The following CHRD variants were observed in gnomAD, a reference collection of about 807,000 sequenced individuals.
CHRD encodes chordin.
Under a neutral mutation model 113.7 loss-of-function variants are expected in CHRD, and 69 were observed. That is an observed-to-expected ratio of 0.61 (90% CI 0.50 to 0.74). The LOEUF (loss-of-function observed/expected upper bound fraction) is 0.74, where lower values mean the gene tolerates loss of function less well. Ranked by LOEUF, CHRD falls within the 30% of genes least tolerant of loss-of-function variation. The probability of loss-of-function intolerance (pLI) is 0.00; values close to 1 mark genes in which losing one functional copy is unlikely to be tolerated. For missense variants in CHRD, 1,194 were observed against 1,295.8 expected, an observed-to-expected ratio of 0.92 and a Z score of 1.21; for synonymous variants, 561 against 540.8, an observed-to-expected ratio of 1.04 and a Z score of -0.52.
rs542164182 is a variant in CHRD, at chr3:184,383,181, C to G, written c.1213+18C>G. 4 of 1,585,500 alleles carry G rather than the reference C, an allele frequency of 2.5e-6. No individual in the cohort carries two copies. The South Asian group carries it at 3.4e-5, about 14-fold the overall frequency. On this transcript the variant is annotated intron_variant, in intron 10 of 22. Coordinates refer to ENST00000204604, the Ensembl canonical transcript of CHRD. ...CTGCGACGGTGAGGCGGGGGGGGGG[C>G]CTGGTGCGCCGGGCATGCACAACTG... is the stretch of plus-strand genomic sequence containing the variant.
rs1715365319 is a variant in CHRD, at chr3:184,381,370, T to A, written c.382+6T>A. ...CTGCCAGACCTGCCCCCAGGGTAAGTCTTGCTCCGCCCTGCGGGGAGGGAG... is the reference window on the plus strand; with the variant it reads ...CTGCCAGACCTGCCCCCAGGGTAAGACTTGCTCCGCCCTGCGGGGAGGGAG... On this transcript the variant is annotated splice_donor_region_variant and intron_variant, in intron 3 of 22. Coordinates refer to ENST00000204604, the Ensembl canonical transcript of CHRD. This position sits in a 1 kb window ranked among gnomAD's most constrained non-coding sequence, Gnocchi z 4.7. 12 of 1,589,454 alleles carry A rather than the reference T, an allele frequency of 7.5e-6. No individual in the cohort carries two copies. The highest frequency in any genetic ancestry group is 1.0e-5 in the Non-Finnish European group (12 of 1,168,134).
At chr3:184,386,370 G>T in intron 15 of CHRD, 122 bp from the exon 16 acceptor site, 1 of 1,384,116 alleles carries the variant, frequency 7.2e-7, no homozygotes, top group African/African-American at 1.5e-5. Context: ...GGAGCGAATG[G>T]CATCCTCCTG....
rs1715931794 is a variant in CHRD, at chr3:184,384,210, G to A, written c.1441-327G>A. On this transcript the variant is annotated intron_variant, in intron 12 of 22. Transcript: ENST00000204604. The surrounding 1 kb of genome is among the most constrained non-coding windows in gnomAD (Gnocchi z 4.4). ...GAACAGTGCCACAGGCCACATATTAGTAAATGTAATGGCAATGGTTGCTAC... is the reference window on the plus strand; with the variant it reads ...GAACAGTGCCACAGGCCACATATTAATAAATGTAATGGCAATGGTTGCTAC... 6.6e-6 allele frequency among the ~76,000 whole-genome samples: 1 copy of A among 152,224 alleles called. No homozygotes were observed. The highest frequency in any genetic ancestry group is 1.5e-5 in the Non-Finnish European group (1 of 68,038).
In CHRD at chr3:184,386,631, C is replaced by G. The variant is rs780291031; in HGVS notation, c.2072C>G (p.Ala691Gly). ...CCTGGTCTCCCGGCCCTAGCGCCCG[C>G]CAAACCTGGTGGTCCTGGGCGGCCC... The change falls in exon 16 of 23, where the codon GCC (alanine) becomes GGC (glycine). Residue 691 changes from alanine to glycine, a missense_variant. Transcript: ENST00000204604. 4.5e-5 allele frequency: 73 copies of G among 1,609,414 alleles called. No individual in the cohort carries two copies. The highest frequency in any genetic ancestry group is 1.7e-4 in the Middle Eastern group (1 of 6,034).
At position 184,380,555 on chromosome 3, in the gene CHRD, C is replaced by T; in HGVS notation, c.148+89C>T. On this transcript the variant is annotated intron_variant, in intron 1 of 22. Transcript: ENST00000204604. This position sits in a 1 kb window ranked among gnomAD's most constrained non-coding sequence, Gnocchi z 6.3. ...CGGAGGGGGCGCGGGGCGCAGGTGG[C>T]TCGGCGCGGCGGGCGGCCCGGAGGG... 1 of 1,033,130 alleles carries T rather than the reference C, an allele frequency of 9.7e-7. No homozygotes were observed. Among genetic ancestry groups the T allele is most frequent in the Non-Finnish European group, 1.2e-6 (1 of 833,474 alleles). The allele number at this position is 1,033,130 out of a possible 1,614,324, so 64.0% of individuals were successfully genotyped here.
At chr3:184,383,410 A>T (rs1715783138) in exon 11 of CHRD, 2 of 1,613,524 alleles carry the variant, frequency 1.2e-6, no homozygotes, top group East Asian at 4.5e-5. Context: ...TGGCTCCCTG[A>T]TCTATCAGGT....
At chr3:184,386,417 G>T (rs1716287013) in intron 15 of CHRD, 75 bp from the exon 16 acceptor site, 2 of 1,515,920 alleles carry the variant, frequency 1.3e-6, no homozygotes, top group South Asian at 2.5e-5. Context: ...GGTGTCTCCT[G>T]CTGGCTGGCC....
In CHRD at chr3:184,384,770, G is replaced by C. The variant is rs1255430464; in HGVS notation, c.1597+77G>C. Reference sequence around the variant, plus strand: ...GGATGGTGGCAGACAGCCGGAGCCTGGTGTGTCTTTCTTTGTGCCTAAGCT... The same window carrying C: ...GGATGGTGGCAGACAGCCGGAGCCTCGTGTGTCTTTCTTTGTGCCTAAGCT... On this transcript the variant is annotated intron_variant, in intron 13 of 22. Coordinates refer to ENST00000204604, the Ensembl canonical transcript of CHRD. This position sits in a 1 kb window ranked among gnomAD's most constrained non-coding sequence, Gnocchi z 4.4. 2.0e-5 allele frequency: 30 copies of C among 1,482,742 alleles called. No homozygotes were observed. The highest frequency in any genetic ancestry group is 1.1e-4 in the South Asian group (8 of 72,870). 91.8% of individuals were successfully genotyped at this position (1,482,742 alleles called of 1,614,324 possible).
At chr3:184,383,120 G>A (rs776459719) in exon 10 of CHRD, 2 of 1,610,936 alleles carry the variant, frequency 1.2e-6, no homozygotes, top group African/African-American at 1.3e-5. Flanking sequence ...GCAGGCCAGG[G>A]CTGCGCATCA....
In CHRD at chr3:184,388,883, C is replaced by T. The variant is rs1313002641; in HGVS notation, c.2710-10C>T. 1 of 1,611,664 alleles carries T rather than the reference C, an allele frequency of 6.2e-7. No homozygotes were observed. The highest frequency in any genetic ancestry group is 1.7e-5 in the Admixed American group (1 of 60,012). On this transcript the variant is annotated splice_polypyrimidine_tract_variant and intron_variant, in intron 21 of 22. Transcript: ENST00000204604. The surrounding 1 kb of genome is among the most constrained non-coding windows in gnomAD (Gnocchi z 6.1). ...GGGGGACACTCAGTGTCTGCTCTGT[C>T]TTGTACCAGGCAGGGGTGCCTCACT...
Position 184,380,498 on chromosome 3 carries a change from G to C in CHRD, c.148+32G>C. 1 of 1,156,542 alleles carries C rather than the reference G, an allele frequency of 8.6e-7. No individual in the cohort carries two copies. The highest frequency in any genetic ancestry group is 3.7e-4 in the Middle Eastern group (1 of 2,730). The allele number at this position is 1,156,542 out of a possible 1,614,324, so 71.6% of individuals were successfully genotyped here. ...GGGCGCCCGGGGGAGGCGCGGGCGG[G>C]GAGTCGGGCTCGGGGCGAGTCAGCG... On this transcript the variant is annotated intron_variant, in intron 1 of 22. Transcript: ENST00000204604. This position sits in a 1 kb window ranked among gnomAD's most constrained non-coding sequence, Gnocchi z 6.3.
chr3:184,386,257 TG>T, intron 15 of CHRD, 98 bp downstream of exon 15: 1 of 1,383,720 alleles, frequency 7.2e-7, no homozygotes, highest in African/African-American at 1.4e-5. Context: ...CTCTGAGTCC[TG>T]GGGGTGGTCG....
intron 14 of CHRD, among the ~76,000 whole-genome samples, 194 bp downstream of exon 14, chr3:184,385,432 C>T (rs991451496): frequency 1.4e-4 from 21 of 151,972 alleles, no homozygotes; most frequent in African/African-American, 4.6e-4. Context: ...CTTTGGGAGG[C>T]CAGGTGGGTG....
chr3:184,389,140 A>C, intron 22 of CHRD, 145 bp downstream of exon 22: 1 of 675,048 alleles, frequency 1.5e-6, no homozygotes, highest in Non-Finnish European at 2.6e-6. Flanking sequence ...CCTCACAGCA[A>C]CCTGGTGGAA....
In CHRD at chr3:184,387,990, G is replaced by A. The variant is rs2108661352; in HGVS notation, c.2511G>A (p.Gln837=). Residue 837 remains glutamine, a synonymous_variant, in exon 20 of 23, where the codon CAG becomes CAA. Transcript: ENST00000204604. This position sits in a 1 kb window ranked among gnomAD's most constrained non-coding sequence, Gnocchi z 6.1. ...AGTGTCCCCGGCTGGCCTGTGCCCA[G>A]CCTGTGCGTGTCAACCCCACCGACT... The A allele has an allele frequency of 6.2e-7, 1 of 1,613,832 alleles. No homozygotes were observed. The highest frequency in any genetic ancestry group is 8.5e-7 in the Non-Finnish European group (1 of 1,179,952).
chr3:184,383,583 C>A (rs746833026), exon 12 of CHRD: 2 of 1,614,004 alleles, frequency 1.2e-6, no homozygotes, highest in Non-Finnish European at 1.7e-6. Flanking sequence ...CAAGCCTCAG[C>A]GGAGGGATCA....
In CHRD at chr3:184,387,002, G is replaced by A. The variant is rs201763149; in HGVS notation, c.2291-49G>A. On this transcript the variant is annotated intron_variant, in intron 17 of 22. Coordinates refer to ENST00000204604, the Ensembl canonical transcript of CHRD. This position sits in a 1 kb window ranked among gnomAD's most constrained non-coding sequence, Gnocchi z 6.1. ...CAGTGCGGACAGGTCCTTTGGGGAG[G>A]GAATGAGGGTGGTCACTCTCTGCTT... 8 of 1,613,852 alleles carry A rather than the reference G, an allele frequency of 5.0e-6. No individual in the cohort carries two copies. In the African/African-American group the frequency reaches 9.3e-5, roughly 19 times the overall value.
chr3:184,387,171 G>C lies in CHRD; in HGVS notation c.2347+64G>C. On this transcript the variant is annotated intron_variant, in intron 18 of 22. Coordinates refer to ENST00000204604, the Ensembl canonical transcript of CHRD. The surrounding 1 kb of genome is among the most constrained non-coding windows in gnomAD (Gnocchi z 6.1). Reference sequence around the variant, plus strand: ...AGGAGCCATTAGGTTGAACCAGGAGGGGGACAAGAAGGGGAGAGTATATAG... The same window carrying C: ...AGGAGCCATTAGGTTGAACCAGGAGCGGGACAAGAAGGGGAGAGTATATAG... The C allele has an allele frequency of 2.0e-6, 3 of 1,506,250 alleles. No homozygotes were observed. The highest frequency in any genetic ancestry group is 2.8e-6 in the Non-Finnish European group (3 of 1,082,658). 93.3% of individuals were successfully genotyped at this position (1,506,250 alleles called of 1,614,324 possible).
At position 184,380,894 on chromosome 3, in the gene CHRD, T is replaced by G; in HGVS notation, c.252+99T>G. 1 of 916,198 alleles carries G rather than the reference T, an allele frequency of 1.1e-6. No homozygotes were observed. The highest frequency in any genetic ancestry group is 1.7e-6 in the Non-Finnish European group (1 of 597,348). 56.8% of individuals were successfully genotyped at this position (916,198 alleles called of 1,614,324 possible). On this transcript the variant is annotated intron_variant, in intron 2 of 22. Transcript: ENST00000204604. This position sits in a 1 kb window ranked among gnomAD's most constrained non-coding sequence, Gnocchi z 6.3. ...TCGGAGCTGCTGAGAAGGAGCCCAGTCGGCAGATGTTGGGGATATTTTTCT... is the reference window on the plus strand; with the variant it reads ...TCGGAGCTGCTGAGAAGGAGCCCAGGCGGCAGATGTTGGGGATATTTTTCT...
Sources: allele counts gnomAD v4.1 joint callset (sites outside exome capture counted in the v4.1 genomes callset), GRCh38; gene constraint gnomAD v4.1.1; non-coding constraint Gnocchi (gnomAD v3.1); transcripts MANE v1.5; gene names NCBI Gene and HGNC (gene_info 2026-07-23, HGNC 2026-07-21).